Variants in PITPNM3 observed in about 807,000 individuals in gnomAD.
The protein encoded by PITPNM3 is PITPNM family member 3.
In PITPNM3, 26 loss-of-function variants were observed where a neutral mutation model predicts 102.0. The observed-to-expected ratio is 0.25, with a 90% CI of 0.19 to 0.35. The LOEUF (loss-of-function observed/expected upper bound fraction) is 0.35, where lower values mean the gene tolerates loss of function less well. Among genes scored for constraint, PITPNM3 ranks in the 10% least tolerant of loss-of-function variants. The pLI is 1.00. For synonymous variants in PITPNM3, 578 were observed against 558.6 expected, an observed-to-expected ratio of 1.03 and a Z score of -0.49; for missense variants, 1,083 against 1,346.1, an observed-to-expected ratio of 0.80 and a Z score of 3.06.
At chr17:6,456,174 C>T (rs1464991177) in intron 19 of PITPNM3, among the ~76,000 whole-genome samples, 1 of 152,082 alleles carries the variant, frequency 6.6e-6, no homozygotes, top group Non-Finnish European at 1.5e-5. Flanking sequence ...CGGGTACATG[C>T]CACCATGCCC....
At position 6,477,089 on chromosome 17, in the gene PITPNM3, T is replaced by G. The variant is rs1163387149; in HGVS notation, c.1025A>C (p.Gln342Pro). ...EEPKRPLPRK[Q>P]SDSSTYDCEA... ...GCAGTCATAGGTGGAGGAGTCGCTC[T>G]GTTTCCGCGGCAACGGCCTCTTGGG... is the stretch of plus-strand genomic sequence containing the variant. The change falls in exon 9 of 20, where the codon CAG becomes CCG. Residue 342 changes from glutamine (Q) to proline (P), a missense_variant. Gln to Pro is a moderately conservative substitution (Grantham distance 76). Transcript: ENST00000262483. 3.1e-6 allele frequency: 5 copies of G among 1,614,180 alleles called. No individual in the cohort carries two copies. The highest frequency in any genetic ancestry group is 4.2e-6 in the Non-Finnish European group (5 of 1,180,030).
chr17:6,492,509 G>T (rs1237762018), intron 4 of PITPNM3, among the ~76,000 whole-genome samples: 1 of 152,162 alleles, frequency 6.6e-6, no homozygotes, highest in African/African-American at 2.4e-5. Flanking sequence ...CTTGTGGAAG[G>T]AAAGAATAAA....
chr17:6,540,431 G>C (rs1909669551), intron 1 of PITPNM3, among the ~76,000 whole-genome samples: 2 of 152,144 alleles, frequency 1.3e-5, no homozygotes, highest in South Asian at 4.1e-4. Context: ...AGACAGACTT[G>C]AATGTGTGGA....
chr17:6,454,758 C>CA lies in PITPNM3; in HGVS notation c.*579_*580insT, dbSNP rs1914008935. On this transcript the variant is annotated 3_prime_UTR_variant, in exon 20 of 20. Coordinates refer to ENST00000262483, the MANE Select transcript of PITPNM3 (RefSeq NM_031220.4). Reference sequence around the variant, plus strand: ...CAGACCGTCAGCACCAGACCCCACCCCCGAGGGCTGTGGACAGAGACGGCG... The same window carrying CA: ...CAGACCGTCAGCACCAGACCCCACCCACCGAGGGCTGTGGACAGAGACGGCG... The CA allele has an allele frequency of 6.5e-6, 1 of 152,676 alleles. No homozygotes were observed. The highest frequency in any genetic ancestry group is 2.4e-5 in the African/African-American group (1 of 41,362). The allele number at this position is 152,676 out of a possible 1,614,324, so 9.5% of individuals were successfully genotyped here.
chr17:6,555,923 A>G (rs1910577045), intron 1 of PITPNM3, among the ~76,000 whole-genome samples: 1 of 150,828 alleles, frequency 6.6e-6, no homozygotes, highest in Non-Finnish European at 1.5e-5. Context: ...CTCTGGACTG[A>G]GCTGGTGACG....
chr17:6,501,547 C>T (rs188205461), intron 4 of PITPNM3, among the ~76,000 whole-genome samples: 5 of 152,260 alleles, frequency 3.3e-5, no homozygotes, highest in East Asian at 3.9e-4. Context: ...CCAGAGCCCT[C>T]GACATGCAAA....
In PITPNM3 at chr17:6,468,212, A is replaced by C. The variant is rs759938976; in HGVS notation, c.1890+13T>G. ...CACAGTCCCAGCCACATGCGAACTG[A>C]GCATGCACGCACCCTCAGCTTGACC... On this transcript the variant is annotated intron_variant, in intron 14 of 19. Transcript: ENST00000262483. This position sits in a 1 kb window ranked among gnomAD's most constrained non-coding sequence, Gnocchi z 5.2. 1.2e-6 allele frequency: 2 copies of C among 1,610,838 alleles called. No homozygotes were observed. Among genetic ancestry groups the C allele is most frequent in the South Asian group, 1.1e-5 (1 of 90,986 alleles).
Position 6,468,115 on chromosome 17 carries a change from T to C in PITPNM3, c.1890+110A>G, listed in dbSNP as rs1407450903. On this transcript the variant is annotated intron_variant, in intron 14 of 19. Transcript: ENST00000262483. The surrounding 1 kb of genome is among the most constrained non-coding windows in gnomAD (Gnocchi z 5.2). Reference sequence around the variant, plus strand: ...CCCAGCCTGTTTGGGTGCTGAGCTCTGAGGACAAATTGAAGCGCTTACCTC... The same window carrying C: ...CCCAGCCTGTTTGGGTGCTGAGCTCCGAGGACAAATTGAAGCGCTTACCTC... 1.3e-5 allele frequency: 14 copies of C among 1,057,442 alleles called. No individual in the cohort carries two copies. Among genetic ancestry groups the C allele is most frequent in the Non-Finnish European group, 1.9e-5 (13 of 689,142 alleles). 65.5% of individuals were successfully genotyped at this position (1,057,442 alleles called of 1,614,324 possible).
In PITPNM3 at chr17:6,484,447, G is replaced by A. The variant is rs571189103; in HGVS notation, c.275-155C>T. 9.2e-5 allele frequency among the ~76,000 whole-genome samples: 14 copies of A among 152,284 alleles called. 1 individual carries two copies. The South Asian group carries it at 2.7e-3, about 29-fold the overall frequency. ...AGCTAGGGAGAGTCACCCCATCCAG[G>A]CCCTGCCTCTGAAACCAACACAACA... On this transcript the variant is annotated intron_variant, in intron 4 of 19. Transcript: ENST00000262483.
At chr17:6,465,619 G>A (rs9916588) in intron 14 of PITPNM3, among the ~76,000 whole-genome samples, 68,217 of 152,074 alleles carry the variant, frequency 0.45, 15,544 homozygotes, top group Middle Eastern at 0.67. Flanking sequence ...TCCTGGTTTC[G>A]TTCTTCCCTT....
At chr17:6,466,165 C>T (rs1904756454) in intron 14 of PITPNM3, among the ~76,000 whole-genome samples, 1 of 152,218 alleles carries the variant, frequency 6.6e-6, no homozygotes, top group Non-Finnish European at 1.5e-5. Flanking sequence ...TGTCCCGCCC[C>T]CCACACTGGC....
Position 6,459,270 on chromosome 17 carries a change from G to T in PITPNM3, c.2491-1548C>A, listed in dbSNP as rs1904339079. The stretch of plus-strand genomic sequence containing the variant: ...TCTGGTGGCCAGTCTTTGTCTACTA[G>T]GCAGTTCTCAGCATCCCACACCCTC... On this transcript the variant is annotated intron_variant, in intron 18 of 19. Transcript: ENST00000262483. The surrounding 1 kb of genome is among the most constrained non-coding windows in gnomAD (Gnocchi z 5.0). 1.3e-5 allele frequency among the ~76,000 whole-genome samples: 2 copies of T among 152,042 alleles called. No individual in the cohort carries two copies. The highest frequency in any genetic ancestry group is 4.8e-5 in the African/African-American group (2 of 41,372).
At position 6,556,553 on chromosome 17, in the gene PITPNM3, G is replaced by A. The variant is rs1910630439; in HGVS notation, c.-147C>T. 3 of 343,784 alleles carry A rather than the reference G, an allele frequency of 8.7e-6. No homozygotes were observed. The highest frequency in any genetic ancestry group is 1.1e-4 in the South Asian group (1 of 8,904). 21.3% of individuals were successfully genotyped at this position (343,784 alleles called of 1,614,324 possible). A position where few individuals can be genotyped will look rare whatever the true frequency, so the allele number is the denominator to read the frequency against. On this transcript the variant is annotated 5_prime_UTR_variant, in exon 1 of 20. Transcript: ENST00000262483. The surrounding 1 kb of genome is among the most constrained non-coding windows in gnomAD (Gnocchi z 5.2). ...CTCGGCTGCCGCCACCGCAGCCGCC[G>A]CCGCCTCGCCGCTCCCTCCCGCTCC...
At chr17:6,529,592 C>CAA (rs67428345) in intron 2 of PITPNM3, among the ~76,000 whole-genome samples, 24 of 142,180 alleles carry the variant, frequency 1.7e-4, no homozygotes, top group African/African-American at 5.0e-4. Flanking sequence ...GACTCCATCT[C>CAA]AAAAAAAAAA....
rs543632531 is a variant in PITPNM3, at chr17:6,454,972, G to A, written c.*366C>T. ...GCCGAGGCTGGGGCTGCCCCCTTGA[G>A]GGCCTGCCTAGCTCGCTGTGAAGCC... is the stretch of plus-strand genomic sequence containing the variant. On this transcript the variant is annotated 3_prime_UTR_variant, in exon 20 of 20. Coordinates refer to ENST00000262483, the MANE Select transcript of PITPNM3 (RefSeq NM_031220.4). 7 of 271,970 alleles carry A rather than the reference G, an allele frequency of 2.6e-5. No individual in the cohort carries two copies. The South Asian group carries it at 5.2e-4, about 20-fold the overall frequency. The allele number at this position is 271,970 out of a possible 1,614,324, so 16.8% of individuals were successfully genotyped here. A position where few individuals can be genotyped will look rare whatever the true frequency, so the allele number is the denominator to read the frequency against.
intron 3 of PITPNM3, among the ~76,000 whole-genome samples, chr17:6,513,207 T>C (rs938094878): frequency 6.6e-6 from 1 of 152,154 alleles, no homozygotes; most frequent in Non-Finnish European, 1.5e-5. Flanking sequence ...TCATATTTAA[T>C]GGTAAAAGAC....
chr17:6,511,543 C>G (rs1220368357), intron 3 of PITPNM3, among the ~76,000 whole-genome samples: 1 of 152,068 alleles, frequency 6.6e-6, no homozygotes, highest in Non-Finnish European at 1.5e-5. Context: ...AAATGTGGGT[C>G]CCTTTGTTCA....
intron 2 of PITPNM3, among the ~76,000 whole-genome samples, chr17:6,532,184 T>C (rs1344456330): frequency 1.3e-5 from 2 of 151,850 alleles, no homozygotes; most frequent in East Asian, 3.9e-4. Context: ...TAGAACACTC[T>C]TCCCCCTGGA....
chr17:6,471,009 C>T (rs1323620658), intron 12 of PITPNM3, 152 bp downstream of exon 12: 10 of 884,758 alleles, frequency 1.1e-5, no homozygotes, highest in Non-Finnish European at 1.7e-5. Flanking sequence ...ACGCCCAGCT[C>T]TCTAAAGGCA....
Sources: allele counts gnomAD v4.1 joint callset (sites outside exome capture counted in the v4.1 genomes callset), GRCh38; gene constraint gnomAD v4.1.1; non-coding constraint Gnocchi (gnomAD v3.1); transcripts MANE v1.5; gene names NCBI Gene and HGNC (gene_info 2026-07-23, HGNC 2026-07-21).